NR1D2: variants seen among roughly 807,000 people sequenced by gnomAD.
NR1D2 encodes nuclear receptor subfamily 1 group D member 2.
A neutral mutation model predicts 52.2 loss-of-function variants in NR1D2; 25 were observed. The ratio of observed to expected loss-of-function variants is 0.48; its 90% CI spans 0.35 to 0.67. The LOEUF is 0.67. Ranked by LOEUF, NR1D2 falls within the 30% of genes least tolerant of loss-of-function variation. The pLI, the probability that NR1D2 is intolerant of heterozygous loss-of-function variation, is 0.01. For missense variants in NR1D2, 681 were observed against 707.2 expected (o/e 0.96, Z 0.42); for synonymous variants, 259 against 230.1 (o/e 1.13, Z -1.14).
chr3:23,958,824 C>T (rs1412337860), intron 3 of NR1D2, among the ~76,000 whole-genome samples: 2 of 151,834 alleles, frequency 1.3e-5, no homozygotes, highest in Non-Finnish European at 2.9e-5. Flanking sequence ...TGGCACGTGC[C>T]TGTAATCCCA....
intron 3 of NR1D2, among the ~76,000 whole-genome samples, chr3:23,957,465 C>T (rs1706114411): frequency 7.1e-6 from 1 of 141,494 alleles, no homozygotes; most frequent in Non-Finnish European, 1.5e-5. Context: ...GCCTGTAATC[C>T]CAGCACTTTG....
chr3:23,972,310 G>T (rs1207130238), intron 7 of NR1D2, among the ~76,000 whole-genome samples: 1 of 152,208 alleles, frequency 6.6e-6, no homozygotes, highest in Non-Finnish European at 1.5e-5. Flanking sequence ...GCAAGTATTT[G>T]AACTCCCATT....
At chr3:23,960,042 T>C (rs562296239) in intron 4 of NR1D2, 32 of 327,334 alleles carry the variant, frequency 9.8e-5, no homozygotes, top group East Asian at 2.6e-4. Flanking sequence ...TTGCTTCTTC[T>C]AAAAAGAGCC....
rs201185985 is a variant in NR1D2 at position 23,971,301 on chromosome 3, C to CCATTTTTTTTTTTTT, written c.1543+3278_1543+3279insCATTTTTTTTTTTTT. Among the ~76,000 whole-genome samples the CCATTTTTTTTTTTTT allele has an allele frequency of 1.8e-5, 2 of 110,852 alleles. 1 individual carries two copies. Among genetic ancestry groups the CCATTTTTTTTTTTTT allele is most frequent in the Non-Finnish European group, 3.6e-5 (2 of 54,840 alleles). The allele number at this position is 110,852 out of a possible 152,430, so 72.7% of individuals were successfully genotyped here. ...GAATATAATGCTTATATCTCTATAC[C>CCATTTTTTTTTTTTT]TATTTTTTTTTTTTTTTTTTTTGAG... On this transcript the variant is annotated intron_variant, in intron 7 of 7. Transcript: ENST00000312521.
chr3:23,975,195 A>G (rs1314016152), intron 7 of NR1D2, among the ~76,000 whole-genome samples: 2 of 151,984 alleles, frequency 1.3e-5, no homozygotes, highest in Non-Finnish European at 2.9e-5. Context: ...ATCGTGGGTC[A>G]CTGCAGCCTT....
At position 23,945,535 on chromosome 3, in the gene NR1D2, C is replaced by G. The variant is rs1372817104; in HGVS notation, c.-44C>G. 3.5e-6 allele frequency: 4 copies of G among 1,135,714 alleles called. No individual in the cohort carries two copies. In the South Asian group the frequency reaches 1.3e-4, roughly 37 times the overall value. The allele number at this position is 1,135,714 out of a possible 1,614,324, so 70.4% of individuals were successfully genotyped here. On this transcript the variant is annotated 5_prime_UTR_variant, in exon 1 of 8. Coordinates refer to ENST00000312521, the MANE Select transcript of NR1D2 (RefSeq NM_005126.5). ...GAGGCGGCGGCGGCGGCGCTGCCCCCTCTGCGGGAAGCGGGCGGCCCCGGC... is the reference window on the plus strand; with the variant it reads ...GAGGCGGCGGCGGCGGCGCTGCCCCGTCTGCGGGAAGCGGGCGGCCCCGGC...
At chr3:23,959,903 C>T in intron 4 of NR1D2, 88 bp downstream of exon 4, 1 of 1,230,704 alleles carries the variant, frequency 8.1e-7, no homozygotes, top group South Asian at 1.7e-5. Flanking sequence ...AACCGGTTAC[C>T]AAGGACCCTC....
intron 7 of NR1D2, among the ~76,000 whole-genome samples, chr3:23,975,287 A>C (rs1055993260): frequency 1.4e-5 from 2 of 145,130 alleles, no homozygotes; most frequent in Non-Finnish European, 3.0e-5. Flanking sequence ...CCATTCAATT[A>C]AATTTTTTTT....
chr3:23,953,309 C>G (rs1279126416), intron 1 of NR1D2, among the ~76,000 whole-genome samples: 1 of 135,056 alleles, frequency 7.4e-6, no homozygotes, highest in African/African-American at 2.9e-5. Context: ...TGACACTGCA[C>G]TCCGGCCTGG....
intron 6 of NR1D2, among the ~76,000 whole-genome samples, chr3:23,966,302 T>C (rs1355307905): frequency 6.6e-6 from 1 of 152,138 alleles, no homozygotes; most frequent in Non-Finnish European, 1.5e-5. Flanking sequence ...CTAAGTAATA[T>C]AATTGTTAAC....
chr3:23,979,967 C>T lies in NR1D2; in HGVS notation c.*2548C>T, dbSNP rs1706835774. 6.6e-6 allele frequency: 1 copy of T among 151,978 alleles called. No individual in the cohort carries two copies. The highest frequency in any genetic ancestry group is 1.5e-5 in the Non-Finnish European group (1 of 67,946). The allele number at this position is 151,978 out of a possible 1,614,324, so 9.4% of individuals were successfully genotyped here. ...AAGCTAAAACATTTTTTTTCCTGTG[C>T]TTTTAATGTATCTCTTTACATGATC... On this transcript the variant is annotated 3_prime_UTR_variant, in exon 8 of 8. Coordinates refer to ENST00000312521, the MANE Select transcript of NR1D2 (RefSeq NM_005126.5).
rs571627564 is a variant in NR1D2 at position 23,958,817 on chromosome 3, C to T, written c.373-854C>T. 1.3e-4 allele frequency among the ~76,000 whole-genome samples: 19 copies of T among 151,990 alleles called. No homozygotes were observed. In the East Asian group the frequency reaches 3.7e-3, roughly 30 times the overall value. The stretch of plus-strand genomic sequence containing the variant: ...ACAAAAAATTAGCCAGGTATGGTGG[C>T]ACGTGCCTGTAATCCCAGCTACTGG... On this transcript the variant is annotated intron_variant, in intron 3 of 7. Transcript: ENST00000312521.
chr3:23,954,910 C>G, intron 2 of NR1D2, 107 bp downstream of exon 2: 1 of 983,752 alleles, frequency 1.0e-6, no homozygotes, highest in South Asian at 1.5e-5. Context: ...ACAGTTTTCA[C>G]TCCTTGCTGG....
At chr3:23,949,978 C>T (rs1705881237) in intron 1 of NR1D2, among the ~76,000 whole-genome samples, 1 of 152,212 alleles carries the variant, frequency 6.6e-6, no homozygotes, top group South Asian at 2.1e-4. Flanking sequence ...AAGCCCTAGC[C>T]TGGGAACCTG....
In NR1D2 at chr3:23,962,340, A is replaced by G; in HGVS notation, c.881A>G (p.Tyr294Cys). ...GERIPKNMEQ[Y>C]NLNHDHCGNG... ...CGGATTCCCAAGAACATGGAGCAAT[A>G]TAATTTAAATCATGATCATTGCGGC... Residue 294 changes from tyrosine (Y) to cysteine (C), a missense_variant, in exon 5 of 8, where the codon TAT becomes TGT. By Grantham distance (194) the Tyr-to-Cys change is radical (BLOSUM62 -2). This residue lies in a region of NR1D2 where 475 missense variants were observed against 454.5 expected (regional missense o/e 1.05). Coordinates refer to ENST00000312521, the MANE Select transcript of NR1D2 (RefSeq NM_005126.5). 1 of 1,614,204 alleles carries G rather than the reference A, an allele frequency of 6.2e-7. No individual in the cohort carries two copies. Among genetic ancestry groups the G allele is most frequent in the Non-Finnish European group, 8.5e-7 (1 of 1,180,028 alleles).
chr3:23,970,856 A>T (rs1319897988), intron 7 of NR1D2, among the ~76,000 whole-genome samples: 1 of 152,054 alleles, frequency 6.6e-6, no homozygotes, highest in Non-Finnish European at 1.5e-5. Context: ...ATCTCTGTTC[A>T]CCGCAACCTC....
intron 3 of NR1D2, 35 bp downstream of exon 3, chr3:23,956,160 T>A (rs557227902): frequency 6.5e-7 from 1 of 1,534,546 alleles, no homozygotes; most frequent in African/African-American, 1.4e-5. Flanking sequence ...AGCTACTGAT[T>A]CTGGGATTTA....
At position 23,962,155 on chromosome 3, in the gene NR1D2, A is replaced by G. The variant is rs139583758; in HGVS notation, c.696A>G (p.Gln232=). Residue 232 remains glutamine, a synonymous_variant, in exon 5 of 8, where the codon CAA becomes CAG. Coordinates refer to ENST00000312521, the MANE Select transcript of NR1D2 (RefSeq NM_005126.5). ...AGGAACAGCTGCGACCCAAGCCCCA[A>G]CTGGAGCAAGAAAACATCAAAAGCT... ...PAQEQLRPKP[Q]LEQENIKSSS... The G allele has an allele frequency of 3.8e-5, 61 of 1,614,028 alleles. No homozygotes were observed. The highest frequency in any genetic ancestry group is 2.0e-4 in the East Asian group (9 of 44,898).
At chr3:23,948,879 A>G (rs967743574) in intron 1 of NR1D2, among the ~76,000 whole-genome samples, 11 of 152,220 alleles carry the variant, frequency 7.2e-5, no homozygotes, top group African/African-American at 2.4e-4. Flanking sequence ...CTGCATGTGT[A>G]TGGATCCCCA....
Sources: allele counts gnomAD v4.1 joint callset (sites outside exome capture counted in the v4.1 genomes callset), GRCh38; gene constraint gnomAD v4.1.1; regional missense constraint gnomAD v4.1.1; transcripts MANE v1.5; gene names NCBI Gene and HGNC (gene_info 2026-07-23, HGNC 2026-07-21).